RSRP1: variants seen among roughly 807,000 people sequenced by gnomAD.
RSRP1 encodes arginine/serine-rich protein 1.
RSRP1 carries 37 observed loss-of-function variants against 33.0 expected under a neutral mutation model. That is an observed-to-expected ratio of 1.12 (90% CI 0.86 to 1.48). The LOEUF (loss-of-function observed/expected upper bound fraction) is 1.48. RSRP1 is among the 40% of genes most tolerant of loss of function. The pLI is 0.00. For synonymous variants in RSRP1, 167 were observed against 158.7 expected (o/e 1.05, Z -0.40); for missense variants, 402 against 385.3 (o/e 1.04, Z -0.36).
At chr1:25,272,608 G>A in intron 1 of RSRP1, 1 of 1,581,164 alleles carries the variant, frequency 6.3e-7, no homozygotes, top group Non-Finnish European at 8.6e-7. Context: ...CCTAACACTG[G>A]AAGCAGCTCT....
In RSRP1 at chr1:25,274,261, G is replaced by A. The variant is rs1469636518; in HGVS notation, c.-66-27232C>T. Among the ~76,000 whole-genome samples, 7 of 131,742 alleles carry A rather than the reference G, an allele frequency of 5.3e-5. 1 individual carries two copies. The highest frequency in any genetic ancestry group is 5.2e-4 in the Admixed American group (7 of 13,538). 86.4% of individuals were successfully genotyped at this position (131,742 alleles called of 152,430 possible). A position where few individuals can be genotyped will look rare whatever the true frequency, so the allele number is the denominator to read the frequency against. On this transcript the variant is annotated intron_variant, in intron 1 of 1. Transcript: ENST00000561867. ...GATGTTGAGTAATTTGCCCACGGTC[G>A]CTCAGCTAGCAATAGCACAGCGTAT...
chr1:25,287,942 G>C lies in RSRP1; in HGVS notation c.-66-40913C>G, dbSNP rs374101697. ...TTCACCAGGTGGGTCAGGTTGGTCT[G>C]GAACTCCCGACCTCAAGTGATCCAC... On this transcript the variant is annotated intron_variant, in intron 1 of 1. Transcript: ENST00000561867. Among the ~76,000 whole-genome samples, 159 of 131,976 alleles carry C rather than the reference G, an allele frequency of 1.2e-3. 31 individuals are homozygous for C. The South Asian group carries it at 0.018, about 15-fold the overall frequency. The allele number at this position is 131,976 out of a possible 152,430, so 86.6% of individuals were successfully genotyped here. A position where few individuals can be genotyped will look rare whatever the true frequency, so the allele number is the denominator to read the frequency against.
intron 3 of RSRP1, chr1:25,244,093 T>C: frequency 1.6e-6 from 2 of 1,243,614 alleles, no homozygotes; most frequent in Admixed American, 3.1e-5. Flanking sequence ...ACGGGAGTCT[T>C]GCTCTGTCAC....
At chr1:25,336,891 C>A (rs563373597) in intron 1 of RSRP1, 12 of 151,896 alleles carry the variant, frequency 7.9e-5, no homozygotes, top group African/African-American at 2.7e-4. Flanking sequence ...TAATGCACCG[C>A]CAAAAACAAA....
rs112775333 is a variant in RSRP1, at chr1:25,268,398, A to C, written c.-66-21369T>G. On this transcript the variant is annotated intron_variant, in intron 1 of 1. Coordinates refer to the RSRP1 transcript ENST00000561867. ...GCGCGGTGTGGTGGCTCATGCCTGT[A>C]GTCCCAGCTACTTGGGAGGCTGAGG... Among the ~76,000 whole-genome samples the C allele has an allele frequency of 9.9e-5, 13 of 131,366 alleles. 2 individuals carry two copies. Among genetic ancestry groups the C allele is most frequent in the African/African-American group, 3.1e-4 (12 of 38,620 alleles). 86.2% of individuals were successfully genotyped at this position (131,366 alleles called of 152,430 possible).
At chr1:25,243,489 A>G in intron 4 of RSRP1, 61 bp downstream of exon 4, 1 of 1,586,340 alleles carries the variant, frequency 6.3e-7, no homozygotes, top group Non-Finnish European at 8.6e-7. Flanking sequence ...ATAAAAACAC[A>G]AAGATGCAAA....
chr1:25,310,856 T>G (rs183876008), intron 1 of RSRP1, among the ~76,000 whole-genome samples: 8 of 129,362 alleles, frequency 6.2e-5, no homozygotes, highest in Admixed American at 6.0e-4. Context: ...ACCTGTAATC[T>G]CAGCTACTCA....
chr1:25,320,966 C>T (rs148084867), intron 1 of RSRP1, among the ~76,000 whole-genome samples: 72 of 131,108 alleles, frequency 5.5e-4, no homozygotes, highest in African/African-American at 1.7e-3. Context: ...GTTGCTTGAC[C>T]CCGGGAGTTT....
chr1:25,248,985 C>T (rs890978816), upstream of RSRP1, among the ~76,000 whole-genome samples: 2 of 152,126 alleles, frequency 1.3e-5, no homozygotes, highest in African/African-American at 4.8e-5. Context: ...CCCATCTCTA[C>T]TAAAAATGCA....
intron 1 of RSRP1, among the ~76,000 whole-genome samples, chr1:25,298,119 C>G (rs1243291363): frequency 8.7e-6 from 1 of 114,876 alleles, no homozygotes; most frequent in Admixed American, 8.8e-5. Context: ...AGTCTCAATT[C>G]TGTAGTCCAG....
rs1254487881 is a variant in RSRP1 at position 25,279,645 on chromosome 1, T to TAG, written c.-66-32618_-66-32617dup. ...TTGTGGGCTAAGTCTGTAAGGCACG[T>TAG]AGAACAGTGCCTGGAACGTGGGGTA... On this transcript the variant is annotated intron_variant, in intron 1 of 1. Coordinates refer to the RSRP1 transcript ENST00000561867. 1.6e-5 allele frequency among the ~76,000 whole-genome samples: 2 copies of TAG among 124,686 alleles called. 1 individual carries two copies. Among genetic ancestry groups the TAG allele is most frequent in the Non-Finnish European group, 3.7e-5 (2 of 53,462 alleles). The allele number at this position is 124,686 out of a possible 152,430, so 81.8% of individuals were successfully genotyped here.
intron 1 of RSRP1, among the ~76,000 whole-genome samples, chr1:25,323,526 A>C (rs1361897458): frequency 7.9e-6 from 1 of 126,654 alleles, no homozygotes; most frequent in African/African-American, 2.7e-5. Flanking sequence ...TGGCACCATC[A>C]TGGCTCACTG....
At chr1:25,334,773 C>G (rs1422237342) in intron 1 of RSRP1, among the ~76,000 whole-genome samples, 1 of 133,318 alleles carries the variant, frequency 7.5e-6, no homozygotes, top group Non-Finnish European at 1.8e-5. Context: ...TTGCACTCCC[C>G]GAAGCTACAG....
intron 1 of RSRP1, among the ~76,000 whole-genome samples, chr1:25,282,240 A>T (rs1641550688): frequency 7.6e-6 from 1 of 131,730 alleles, no homozygotes; most frequent in Non-Finnish European, 1.8e-5. Context: ...CATTTTATTT[A>T]TTTATTTATT....
In RSRP1 at chr1:25,303,439, G is replaced by A. The variant is rs762881746; in HGVS notation, c.-67+34539C>T. 2.4e-5 allele frequency: 33 copies of A among 1,378,878 alleles called. 7 individuals carry two copies. The highest frequency in any genetic ancestry group is 3.7e-4 in the Middle Eastern group (2 of 5,478). The allele number at this position is 1,378,878 out of a possible 1,614,324, so 85.4% of individuals were successfully genotyped here. On this transcript the variant is annotated intron_variant, in intron 1 of 1. Transcript: ENST00000561867. ...TCTTGTGGCTGGGCTGATCTCCGTCGGGGGAGCCAAGTACCTGCCGGTAAG... is the reference window on the plus strand; with the variant it reads ...TCTTGTGGCTGGGCTGATCTCCGTCAGGGGAGCCAAGTACCTGCCGGTAAG...
At chr1:25,290,938 G>A (rs1451949430) in intron 1 of RSRP1, 1 of 896,070 alleles carries the variant, frequency 1.1e-6, no homozygotes, top group African/African-American at 1.6e-5. Context: ...GAGGCCAGGA[G>A]TTTGAGACCA....
rs1644639794 is a variant in RSRP1, at chr1:25,320,458, G to C, written c.-67+17520C>G. On this transcript the variant is annotated intron_variant, in intron 1 of 1. Transcript: ENST00000561867. The stretch of plus-strand genomic sequence containing the variant: ...CTGGAAAATTCATGCAGGCGCCAGA[G>C]ATCGTTACTGAGTAATTCAAGCTAA... 2.3e-5 allele frequency among the ~76,000 whole-genome samples: 3 copies of C among 132,216 alleles called. 1 individual carries two copies. The highest frequency in any genetic ancestry group is 5.4e-5 in the Non-Finnish European group (3 of 55,892). 86.7% of individuals were successfully genotyped at this position (132,216 alleles called of 152,430 possible). A position where few individuals can be genotyped will look rare whatever the true frequency, so the allele number is the denominator to read the frequency against.
intron 1 of RSRP1, among the ~76,000 whole-genome samples, chr1:25,264,063 T>C (rs868258511): frequency 2.4e-4 from 36 of 152,122 alleles, no homozygotes; most frequent in African/African-American, 8.2e-4. Context: ...TCTGCCCCTG[T>C]ACCTTTGCAG....
chr1:25,286,340 T>C (rs1299725825), intron 1 of RSRP1, among the ~76,000 whole-genome samples: 1 of 134,692 alleles, frequency 7.4e-6, no homozygotes, highest in Non-Finnish European at 1.8e-5. Context: ...AATAGAAAAA[T>C]CAGCTAGGCG....
Sources: gnomAD v4.1 joint callset for allele counts (sites outside exome capture counted in the v4.1 genomes callset) on GRCh38, gnomAD v4.1.1 for gene constraint, MANE v1.5 for transcripts, NCBI Gene and HGNC (gene_info 2026-07-23, HGNC 2026-07-21) for gene names.